The following KCNJ6 variants were observed in gnomAD, a reference collection of about 807,000 sequenced individuals.
KCNJ6 encodes G protein-activated inward rectifier potassium channel 2.
Under a neutral mutation model 34.2 loss-of-function variants are expected in KCNJ6, and 9 were observed. The observed-to-expected ratio is 0.26, with a 90% CI of 0.16 to 0.46. KCNJ6 has a LOEUF of 0.46. Among genes scored for constraint, KCNJ6 ranks in the 20% least tolerant of loss-of-function variants. The pLI, the probability that KCNJ6 is intolerant of heterozygous loss-of-function variation, is 1.00. For synonymous variants in KCNJ6, 196 were observed against 207.1 expected (o/e 0.95, Z 0.46); for missense variants, 236 against 531.3 (o/e 0.44, Z 5.46).
intron 3 of KCNJ6, among the ~76,000 whole-genome samples, chr21:37,704,352 GC>G: frequency 6.6e-6 from 1 of 152,100 alleles, no homozygotes; most frequent in Admixed American, 6.5e-5. Flanking sequence ...AGCAAACAAA[GC>G]CCTGCTTTTT....
At chr21:37,666,650 C>G (rs2054514875) in intron 3 of KCNJ6, among the ~76,000 whole-genome samples, 1 of 151,944 alleles carries the variant, frequency 6.6e-6, no homozygotes, top group Admixed American at 6.6e-5. Context: ...CCCAACAGCT[C>G]TGAAGAGACA....
intron 2 of KCNJ6, among the ~76,000 whole-genome samples, chr21:37,798,182 G>A (rs916884507): frequency 3.9e-5 from 6 of 152,230 alleles, no homozygotes; most frequent in Non-Finnish European, 5.9e-5. Context: ...GAGATGGGAA[G>A]TATCTGGCCT....
intron 3 of KCNJ6, among the ~76,000 whole-genome samples, chr21:37,629,437 C>A (rs953142005): frequency 6.6e-6 from 1 of 152,000 alleles, no homozygotes; most frequent in African/African-American, 2.4e-5. Flanking sequence ...TCCTAATCTC[C>A]GGTATTTCAG....
intron 2 of KCNJ6, among the ~76,000 whole-genome samples, chr21:37,837,980 T>C (rs575473561): frequency 6.6e-6 from 1 of 152,372 alleles, no homozygotes; most frequent in South Asian, 2.1e-4. Context: ...ATATATTTTA[T>C]AATTTGCTGT....
At chr21:37,741,864 C>G (rs1052458303) in intron 2 of KCNJ6, among the ~76,000 whole-genome samples, 6 of 152,196 alleles carry the variant, frequency 3.9e-5, no homozygotes, top group Non-Finnish European at 7.3e-5. Context: ...TTGCTGTCCC[C>G]AAAGCACCAG....
At chr21:37,655,210 TGTGTGTGTGTGTGTGAGAGA>T (rs2054453395) in intron 3 of KCNJ6, among the ~76,000 whole-genome samples, 1 of 87,124 alleles carries the variant, frequency 1.1e-5, no homozygotes, top group South Asian at 3.5e-4. Flanking sequence ...TGTGTGTGTG[TGTGTGTGTGTGTGTGAGAGA>T]GAGAGAGAGA....
intron 3 of KCNJ6, among the ~76,000 whole-genome samples, chr21:37,701,356 G>C (rs1335919494): frequency 6.6e-6 from 1 of 152,092 alleles, no homozygotes; most frequent in African/African-American, 2.4e-5. Context: ...ATTGCCAGAA[G>C]GTAGAGGCTT....
At chr21:37,677,703 CCATT>C (rs1189110940) in intron 3 of KCNJ6, among the ~76,000 whole-genome samples, 1 of 140,874 alleles carries the variant, frequency 7.1e-6, no homozygotes, top group African/African-American at 2.8e-5. Context: ...ATCCATTTAT[CCATT>C]CATTCAATCC....
At chr21:37,659,017 G>A (rs764415146) in intron 3 of KCNJ6, among the ~76,000 whole-genome samples, 94 of 152,328 alleles carry the variant, frequency 6.2e-4, no homozygotes, top group African/African-American at 1.9e-3. Context: ...CTCCTAACTC[G>A]TTTCTCAAAC....
intron 3 of KCNJ6, among the ~76,000 whole-genome samples, chr21:37,678,551 G>C (rs939643534): frequency 1.3e-5 from 2 of 152,210 alleles, no homozygotes; most frequent in African/African-American, 4.8e-5. Context: ...TGGACCTGCA[G>C]CTCTGAGGGA....
At chr21:37,818,853 CA>C (rs1311253546) in intron 2 of KCNJ6, among the ~76,000 whole-genome samples, 4 of 152,074 alleles carry the variant, frequency 2.6e-5, no homozygotes, top group African/African-American at 9.7e-5. Context: ...GCATTTCTGA[CA>C]GGAAGCAAAA....
At position 37,675,733 on chromosome 21, in the gene KCNJ6, A is replaced by C. The variant is rs557841415; in HGVS notation, c.946+38478T>G. 9.3e-4 allele frequency among the ~76,000 whole-genome samples: 141 copies of C among 152,284 alleles called. 1 individual carries two copies. The highest frequency in any genetic ancestry group is 3.1e-3 in the African/African-American group (129 of 41,568). ...CAAACCAGCAAGCAGGCTCTTATAG[A>C]CTCTTACACCAAAAGAAGAATTTGG... On this transcript the variant is annotated intron_variant, in intron 3 of 3. Coordinates refer to ENST00000609713, the MANE Select transcript of KCNJ6 (RefSeq NM_002240.5). The surrounding 1 kb of genome is among the most constrained non-coding windows in gnomAD (Gnocchi z 4.2).
chr21:37,681,932 T>C (rs892178850), intron 3 of KCNJ6, among the ~76,000 whole-genome samples: 1 of 152,188 alleles, frequency 6.6e-6, no homozygotes, highest in Non-Finnish European at 1.5e-5. Context: ...GGTTGCTGAA[T>C]GGGATGAACA....
At chr21:37,856,673 G>A (rs919203513) in intron 1 of KCNJ6, among the ~76,000 whole-genome samples, 18 of 152,278 alleles carry the variant, frequency 1.2e-4, no homozygotes, top group South Asian at 2.1e-4. Flanking sequence ...GTTTACAAAC[G>A]GGGGGATCCA....
At chr21:37,906,749 A>T (rs962369184) in intron 1 of KCNJ6, among the ~76,000 whole-genome samples, 6 of 152,148 alleles carry the variant, frequency 3.9e-5, no homozygotes, top group African/African-American at 1.2e-4. Flanking sequence ...AGTGCTGATT[A>T]AAAAAGAGGG....
At chr21:37,761,416 GGT>G (rs1046144239) in intron 2 of KCNJ6, among the ~76,000 whole-genome samples, 6 of 150,240 alleles carry the variant, frequency 4.0e-5, no homozygotes, top group Admixed American at 1.3e-4. Context: ...TTGTGTATGT[GGT>G]GTGTGTGTTG....
chr21:37,914,561 G>A (rs1174185995), intron 1 of KCNJ6, among the ~76,000 whole-genome samples: 1 of 152,262 alleles, frequency 6.6e-6, no homozygotes, highest in East Asian at 1.9e-4. Context: ...CTGGAGCCGG[G>A]AAAGTTTTGT....
intron 2 of KCNJ6, among the ~76,000 whole-genome samples, chr21:37,810,220 T>C (rs1334082626): frequency 1.3e-5 from 2 of 152,214 alleles, no homozygotes; most frequent in Non-Finnish European, 2.9e-5. Context: ...GTGCAAATCT[T>C]TCCATATATT....
intron 2 of KCNJ6, among the ~76,000 whole-genome samples, chr21:37,797,859 A>C (rs1384360026): frequency 6.6e-6 from 1 of 152,194 alleles, no homozygotes; most frequent in Non-Finnish European, 1.5e-5. Flanking sequence ...CGAAAGAAGA[A>C]ATGAAGGGAA....
Sources: gnomAD v4.1 joint callset for allele counts (sites outside exome capture counted in the v4.1 genomes callset) on GRCh38, gnomAD v4.1.1 for gene constraint, Gnocchi (gnomAD v3.1) non-coding constraint, MANE v1.5 for transcripts, NCBI Gene and HGNC (gene_info 2026-07-23, HGNC 2026-07-21) for gene names.